The following ZNF512B variants were observed in gnomAD, a reference collection of about 807,000 sequenced individuals.
ZNF512B encodes zinc finger protein 512B.
Under a neutral mutation model 87.8 loss-of-function variants are expected in ZNF512B, and 22 were observed. That is an observed-to-expected ratio of 0.25 (90% CI 0.18 to 0.36). The LOEUF is 0.36. Ranked by LOEUF, ZNF512B falls within the 10% of genes least tolerant of loss-of-function variation. The probability of loss-of-function intolerance (pLI) is 1.00; values close to 1 mark genes in which losing one functional copy is unlikely to be tolerated. For synonymous variants in ZNF512B, 524 were observed against 490.9 expected, an observed-to-expected ratio of 1.07 and a Z score of -0.89; for missense variants, 1,060 against 1,231.6, an observed-to-expected ratio of 0.86 and a Z score of 2.09.
chr20:63,964,332 A>C lies in ZNF512B; in HGVS notation c.1321T>G (p.Phe441Val). 1 of 1,613,904 alleles carries C rather than the reference A, an allele frequency of 6.2e-7. No homozygotes were observed. The highest frequency in any genetic ancestry group is 8.5e-7 in the Non-Finnish European group (1 of 1,179,936). The stretch of plus-strand genomic sequence containing the variant: ...GCTGGGGTCTTACCTTTGAGCCCAA[A>C]GGTCCCTGAGATGGATGGCTGCTCC... ...TGEQPSISGT[F>V]GLKGLVKAED... The change falls in exon 7 of 17, where the codon TTT (phenylalanine) becomes GTT (valine). Residue 441 changes from phenylalanine to valine, a missense_variant. Coordinates refer to ENST00000369888, the MANE Select transcript of ZNF512B (RefSeq NM_020713.3).
chr20:63,962,385 G>C lies in ZNF512B; in HGVS notation c.2164-11C>G, dbSNP rs367983860. The stretch of plus-strand genomic sequence containing the variant: ...TCGAGTGTAGTTGAGCTGTGAATTC[G>C]ACAGCACCAGGGTGAGCCTGAGGCC... On this transcript the variant is annotated splice_polypyrimidine_tract_variant and intron_variant, in intron 13 of 16. Transcript: ENST00000369888. 322 of 1,608,562 alleles carry C rather than the reference G, an allele frequency of 2.0e-4. No individual in the cohort carries two copies. The highest frequency in any genetic ancestry group is 2.7e-4 in the Non-Finnish European group (316 of 1,178,306).
intron 1 of ZNF512B, 126 bp from the exon 2 acceptor site, chr20:63,968,078 G>T: frequency 1.6e-6 from 2 of 1,270,782 alleles, no homozygotes; most frequent in South Asian, 1.5e-5. Context: ...GCCTTCCTGT[G>T]GTTTTGTTCA....
chr20:63,963,775 G>C lies in ZNF512B; in HGVS notation c.1605+14C>G, dbSNP rs201138976. 1.2e-6 allele frequency: 2 copies of C among 1,612,892 alleles called. No individual in the cohort carries two copies. Among genetic ancestry groups the C allele is most frequent in the Admixed American group, 3.3e-5 (2 of 60,008 alleles). ...GGGCGCCTCCCTCCCAGCGCCTTCC[G>C]GGAGCTGCCTTACCTTCTGACACAC... is the stretch of plus-strand genomic sequence containing the variant. On this transcript the variant is annotated intron_variant, in intron 9 of 16. Transcript: ENST00000369888.
rs879067371 is a variant in ZNF512B at position 63,957,036 on chromosome 20, C to T, written c.*2852G>A. On this transcript the variant is annotated 3_prime_UTR_variant, in exon 17 of 17. Transcript: ENST00000369888. ...CGCGAGGCAGGGGAAAGCCTGGGGCCCCAGACCCGGGCCTGGGGGAGCCGC... is the reference window on the plus strand; with the variant it reads ...CGCGAGGCAGGGGAAAGCCTGGGGCTCCAGACCCGGGCCTGGGGGAGCCGC... 24 of 152,450 alleles carry T rather than the reference C, an allele frequency of 1.6e-4. No individual in the cohort carries two copies. Among genetic ancestry groups the T allele is most frequent in the Admixed American group, 1.6e-3 (24 of 15,286 alleles). The allele number at this position is 152,450 out of a possible 1,614,324, so 9.4% of individuals were successfully genotyped here. A position where few individuals can be genotyped will look rare whatever the true frequency, so the allele number is the denominator to read the frequency against.
Position 63,966,960 on chromosome 20 carries a change from C to T in ZNF512B, c.309G>A (p.Ser103=), listed in dbSNP as rs373315127. 106 of 1,613,634 alleles carry T rather than the reference C, an allele frequency of 6.6e-5. No homozygotes were observed. The highest frequency in any genetic ancestry group is 1.0e-4 in the Admixed American group (6 of 60,004). The part of the protein sequence containing the change: ...NDWKDEFKAH[S]RVKCPNSGCW... ...ACCCTGAGTTTGGACACTTCACCCTCGAGTGTGCCTTGAACTCATCCTTCC... is the reference window on the plus strand; with the variant it reads ...ACCCTGAGTTTGGACACTTCACCCTTGAGTGTGCCTTGAACTCATCCTTCC... Residue 103 remains serine (S), a synonymous_variant, in exon 4 of 17, where the codon TCG becomes TCA. Transcript: ENST00000369888.
In ZNF512B at chr20:63,963,468, C is replaced by T. The variant is rs542590705; in HGVS notation, c.1699-28G>A. The T allele has an allele frequency of 2.1e-4, 332 of 1,545,442 alleles. 1 individual carries two copies. The South Asian group carries it at 2.5e-3, about 12-fold the overall frequency. ...GGGGACAGGGTGAGCATCGGTGACC[C>T]GGCACCATCGCCACGGAGCCCTGCC... On this transcript the variant is annotated intron_variant, in intron 10 of 16. Coordinates refer to ENST00000369888, the MANE Select transcript of ZNF512B (RefSeq NM_020713.3).
chr20:63,963,768 G>C (rs13040164), intron 9 of ZNF512B, 21 bp downstream of exon 9: 4 of 1,612,940 alleles, frequency 2.5e-6, no homozygotes, highest in Non-Finnish European at 3.4e-6. Context: ...CCCTCCCAGC[G>C]CCTTCCGGGA....
chr20:63,968,183 A>G (rs1189031871), intron 1 of ZNF512B, among the ~76,000 whole-genome samples: 2 of 152,230 alleles, frequency 1.3e-5, no homozygotes, highest in Non-Finnish European at 2.9e-5. Context: ...TCAGTTTGAT[A>G]GGATCTAGTC....
At chr20:63,967,304 A>AG in intron 3 of ZNF512B, 77 bp downstream of exon 3, 1 of 1,513,572 alleles carries the variant, frequency 6.6e-7, no homozygotes, top group Non-Finnish European at 8.9e-7. Flanking sequence ...AGATGTGCAG[A>AG]GGACAAATCA....
chr20:63,964,334 G>C lies in ZNF512B; in HGVS notation c.1319C>G (p.Thr440Ser), dbSNP rs746586815. 1.2e-6 allele frequency: 2 copies of C among 1,613,824 alleles called. No individual in the cohort carries two copies. Among genetic ancestry groups the C allele is most frequent in the Admixed American group, 3.3e-5 (2 of 60,004 alleles). ...FTGEQPSISGTFGLKGLVKAE... is the reference protein window; with the variant it reads ...FTGEQPSISGSFGLKGLVKAE... ...TGGGGTCTTACCTTTGAGCCCAAAG[G>C]TCCCTGAGATGGATGGCTGCTCCCC... The change falls in exon 7 of 17, where the codon ACC (threonine) becomes AGC (serine). Residue 440 changes from threonine to serine, a missense_variant. Around this residue, in one of 9 missense-constraint regions of ZNF512B, gnomAD observed 212 missense variants for 207.6 expected, o/e 1.02. Coordinates refer to ENST00000369888, the MANE Select transcript of ZNF512B (RefSeq NM_020713.3).
chr20:63,964,633 C>A lies in ZNF512B; in HGVS notation c.1118G>T (p.Gly373Val), dbSNP rs1343584427. The change falls in exon 6 of 17, where the codon GGC becomes GTC. Residue 373 changes from glycine (G) to valine (V), a missense_variant. Transcript: ENST00000369888. ...ENGEYGPSSMGQSSAFQLSAD... is the reference protein window; with the variant it reads ...ENGEYGPSSMVQSSAFQLSAD... ...ACTCAGCTGGAAGGCCGAGCTCTGG[C>A]CCATGGAGGAGGGGCCGTACTCCCC... The A allele has an allele frequency of 6.2e-7, 1 of 1,612,892 alleles. No homozygotes were observed. The highest frequency in any genetic ancestry group is 1.3e-5 in the African/African-American group (1 of 74,916).
Position 63,959,986 on chromosome 20 carries a change from G to C in ZNF512B, c.2581C>G (p.Pro861Ala), listed in dbSNP as rs751206374. The C allele has an allele frequency of 6.2e-7, 1 of 1,612,748 alleles. No individual in the cohort carries two copies. The highest frequency in any genetic ancestry group is 8.5e-7 in the Non-Finnish European group (1 of 1,179,996). Residue 861 changes from proline (P) to alanine (A), a missense_variant, in exon 17 of 17, where the codon CCC becomes GCC. Pro to Ala is a conservative substitution (Grantham distance 27, BLOSUM62 -1). This residue lies in a region of ZNF512B where 253 missense variants were observed against 259.2 expected (regional missense o/e 0.98). Coordinates refer to ENST00000369888, the MANE Select transcript of ZNF512B (RefSeq NM_020713.3). ...GGAGGCCAGTCGTCCCGGCGCGGGG[G>C]CAGCTTGGCCACAGGCTCCTCTGGG... Reference protein sequence around the residue: ...RTPEEPVAKLPPRRDDWPPGC... With the variant: ...RTPEEPVAKLAPRRDDWPPGC...
rs769895620 is a variant in ZNF512B, at chr20:63,962,785, G to C, written c.1969-4C>G. Reference sequence around the variant, plus strand: ...TGTCTGTGGGCTCCTCAGGGGGCTGGAGGGCAGGAAGGCATGGAGGCTAGA... The same window carrying C: ...TGTCTGTGGGCTCCTCAGGGGGCTGCAGGGCAGGAAGGCATGGAGGCTAGA... On this transcript the variant is annotated splice_region_variant and splice_polypyrimidine_tract_variant and intron_variant, in intron 12 of 16. Transcript: ENST00000369888. The C allele has an allele frequency of 6.3e-7, 1 of 1,591,776 alleles. No individual in the cohort carries two copies. The highest frequency in any genetic ancestry group is 8.6e-7 in the Non-Finnish European group (1 of 1,168,494).
chr20:63,969,278 AG>A (rs2058956834), intron 1 of ZNF512B: 1 of 752,280 alleles, frequency 1.3e-6, no homozygotes, highest in South Asian at 6.0e-5. Flanking sequence ...GCCTGAGGCC[AG>A]GGCCAGCCTG....
At position 63,961,264 on chromosome 20, in the gene ZNF512B, C is replaced by G. The variant is rs776063862; in HGVS notation, c.2427+45G>C. 2.3e-5 allele frequency: 36 copies of G among 1,595,352 alleles called. No homozygotes were observed. Among genetic ancestry groups the G allele is most frequent in the Non-Finnish European group, 3.1e-5 (36 of 1,168,408 alleles). On this transcript the variant is annotated intron_variant, in intron 16 of 16. Coordinates refer to ENST00000369888, the MANE Select transcript of ZNF512B (RefSeq NM_020713.3). The surrounding 1 kb of genome is among the most constrained non-coding windows in gnomAD (Gnocchi z 6.4). The stretch of plus-strand genomic sequence containing the variant: ...GTGCCCAACCCCAGCCCTGTCCCCT[C>G]CTGGGCTAGCCCCCAGCCACAGGCC...
intron 2 of ZNF512B, 106 bp downstream of exon 2, chr20:63,967,724 G>A (rs528864943): frequency 6.5e-7 from 1 of 1,527,842 alleles, no homozygotes; most frequent in South Asian, 1.2e-5. Flanking sequence ...GGAACTCTAG[G>A]GGCCTAGCTG....
Position 63,959,863 on chromosome 20 carries a change from G to A in ZNF512B, c.*25C>T. On this transcript the variant is annotated 3_prime_UTR_variant, in exon 17 of 17. Transcript: ENST00000369888. ...ACAGAGGGCGGTGTGGCGGCTGCAT[G>A]GGGGCCAGGCCCCACGCACCATGCT... 6.5e-7 allele frequency: 1 copy of A among 1,531,462 alleles called. No homozygotes were observed. The highest frequency in any genetic ancestry group is 1.3e-5 in the South Asian group (1 of 78,598). 94.9% of individuals were successfully genotyped at this position (1,531,462 alleles called of 1,614,324 possible). A position where few individuals can be genotyped will look rare whatever the true frequency, so the allele number is the denominator to read the frequency against.
chr20:63,961,237 G>T lies in ZNF512B; in HGVS notation c.2427+72C>A. On this transcript the variant is annotated intron_variant, in intron 16 of 16. Coordinates refer to ENST00000369888, the MANE Select transcript of ZNF512B (RefSeq NM_020713.3). This position sits in a 1 kb window ranked among gnomAD's most constrained non-coding sequence, Gnocchi z 6.4. ...GGCCACTGACCTCTCTACCCCCAAG[G>T]GGTGCCCAACCCCAGCCCTGTCCCC... The T allele has an allele frequency of 6.8e-7, 1 of 1,462,330 alleles. No individual in the cohort carries two copies. The highest frequency in any genetic ancestry group is 9.5e-7 in the Non-Finnish European group (1 of 1,054,896). The allele number at this position is 1,462,330 out of a possible 1,614,324, so 90.6% of individuals were successfully genotyped here.
rs1459330867 is a variant in ZNF512B at position 63,964,546 on chromosome 20, A to C, written c.1205T>G (p.Leu402Arg). The C allele has an allele frequency of 6.2e-7, 1 of 1,612,992 alleles. No individual in the cohort carries two copies. The change falls in exon 6 of 17, where the codon CTG becomes CGG. Residue 402 changes from leucine to arginine, a missense_variant. Around this residue, in one of 9 missense-constraint regions of ZNF512B, gnomAD observed 212 missense variants for 207.6 expected, o/e 1.02. Coordinates refer to ENST00000369888, the MANE Select transcript of ZNF512B (RefSeq NM_020713.3). ...GSRPSGGMEA[L>R]KAAGPASPPE... ...CGGGGACGCAGGGCCTGCAGCCTTC[A>C]GTGCCTCCATGCCCCCTGACGGCCT...
Sources: gnomAD v4.1 joint callset for allele counts (sites outside exome capture counted in the v4.1 genomes callset) on GRCh38, gnomAD v4.1.1 for gene constraint, gnomAD v4.1.1 regional missense constraint, Gnocchi (gnomAD v3.1) non-coding constraint, MANE v1.5 for transcripts, NCBI Gene and HGNC (gene_info 2026-07-23, HGNC 2026-07-21) for gene names.